INPP5A: variants seen among roughly 807,000 people sequenced by gnomAD.
INPP5A encodes 43 kDa inositol polyphosphate 5-phophatase.
Under a neutral mutation model 65.2 loss-of-function variants are expected in INPP5A, and 14 were observed. The ratio of observed to expected loss-of-function variants is 0.21; its 90% CI spans 0.14 to 0.34. The LOEUF (loss-of-function observed/expected upper bound fraction) is 0.34. Among genes scored for constraint, INPP5A ranks in the 10% least tolerant of loss-of-function variants. The pLI, the probability that INPP5A is intolerant of heterozygous loss-of-function variation, is 1.00. For missense variants in INPP5A, 431 were observed against 545.6 expected, an observed-to-expected ratio of 0.79 and a Z score of 2.09; for synonymous variants, 207 against 208.3, an observed-to-expected ratio of 0.99 and a Z score of 0.05.
intron 9 of INPP5A, among the ~76,000 whole-genome samples, chr10:132,734,093 G>C (rs1390289949): frequency 6.6e-6 from 1 of 152,218 alleles, no homozygotes; most frequent in South Asian, 2.1e-4. Flanking sequence ...ACCTCTGGTC[G>C]GGATTCAGGC....
intron 4 of INPP5A, among the ~76,000 whole-genome samples, chr10:132,673,109 T>C (rs1451651593): frequency 6.6e-6 from 1 of 152,246 alleles, no homozygotes; most frequent in Non-Finnish European, 1.5e-5. Flanking sequence ...TTCACCTTGA[T>C]AGACCAGATC....
intron 9 of INPP5A, among the ~76,000 whole-genome samples, chr10:132,749,190 G>A (rs942422608): frequency 1.3e-5 from 2 of 152,262 alleles, no homozygotes; most frequent in Admixed American, 1.3e-4. Flanking sequence ...CACCCTCTTT[G>A]CTGTTCTCAG....
chr10:132,768,588 CCT>C (rs753830742), intron 12 of INPP5A, among the ~76,000 whole-genome samples: 1 of 152,236 alleles, frequency 6.6e-6, no homozygotes, highest in Non-Finnish European at 1.5e-5. Flanking sequence ...CAGCTCTGCC[CCT>C]GTCAGGACAC....
At position 132,549,487 on chromosome 10, in the gene INPP5A, G is replaced by A. The variant is rs775706077; in HGVS notation, c.75+11316G>A. Among the ~76,000 whole-genome samples the A allele has an allele frequency of 2.6e-5, 4 of 152,240 alleles. No individual in the cohort carries two copies. Among genetic ancestry groups the A allele is most frequent in the East Asian group, 3.8e-4 (2 of 5,204 alleles). On this transcript the variant is annotated intron_variant, in intron 1 of 15. Coordinates refer to ENST00000368594, the MANE Select transcript of INPP5A (RefSeq NM_005539.5). This position sits in a 1 kb window ranked among gnomAD's most constrained non-coding sequence, Gnocchi z 4.9. ...TCCCCACAAGGATGGTTATCTTGCC[G>A]TGTTGGTAATGGCTTTGACAGCTGG...
intron 4 of INPP5A, among the ~76,000 whole-genome samples, chr10:132,655,949 G>C (rs955274592): frequency 6.6e-6 from 1 of 152,258 alleles, no homozygotes; most frequent in African/African-American, 2.4e-5. Context: ...CTTGTGGCTG[G>C]CTGGGCATGG....
At chr10:132,683,262 A>G (rs1407124710) in intron 4 of INPP5A, among the ~76,000 whole-genome samples, 1 of 145,918 alleles carries the variant, frequency 6.9e-6, no homozygotes, top group African/African-American at 2.6e-5. Flanking sequence ...TATTATATAC[A>G]TATGCACACA....
At chr10:132,593,730 G>T (rs989805588) in intron 1 of INPP5A, among the ~76,000 whole-genome samples, 16 of 145,670 alleles carry the variant, frequency 1.1e-4, no homozygotes, top group African/African-American at 3.7e-4. Flanking sequence ...TTCTTTATTT[G>T]TGATTTTCTA....
chr10:132,556,080 T>A (rs1278047427), intron 1 of INPP5A, among the ~76,000 whole-genome samples: 1 of 152,008 alleles, frequency 6.6e-6, no homozygotes, highest in African/African-American at 2.4e-5. Context: ...CAGGCATCTG[T>A]CCCAGCCTGT....
chr10:132,754,927 G>A (rs1846564835), intron 11 of INPP5A, among the ~76,000 whole-genome samples: 1 of 152,180 alleles, frequency 6.6e-6, no homozygotes, highest in Non-Finnish European at 1.5e-5. Context: ...GTATGCATGA[G>A]TGTGCGTGCA....
At chr10:132,596,057 C>T (rs2071682975) in intron 1 of INPP5A, among the ~76,000 whole-genome samples, 1 of 152,176 alleles carries the variant, frequency 6.6e-6, no homozygotes, top group Non-Finnish European at 1.5e-5. Flanking sequence ...GAAATTTGAG[C>T]ATTTCTTTAA....
rs970022805 is a variant in INPP5A at position 132,741,728 on chromosome 10, G to A, written c.733-7789G>A. Among the ~76,000 whole-genome samples the A allele has an allele frequency of 1.7e-5, 1 of 58,712 alleles. No individual in the cohort carries two copies. Among genetic ancestry groups the A allele is most frequent in the African/African-American group, 4.3e-5 (1 of 23,166 alleles). The allele number at this position is 58,712 out of a possible 152,430, so 38.5% of individuals were successfully genotyped here. ...GAGGTGGACGTCAGTATCTGTGTCC[G>A]CTTGCTTTACTCAATAGCCGACGTA... On this transcript the variant is annotated intron_variant, in intron 9 of 15. Transcript: ENST00000368594. The surrounding 1 kb of genome is among the most constrained non-coding windows in gnomAD (Gnocchi z 4.4).
intron 2 of INPP5A, among the ~76,000 whole-genome samples, chr10:132,611,321 A>G (rs1205259799): frequency 0.081 from 988 of 12,160 alleles, no homozygotes; most frequent in Middle Eastern, 0.12. Context: ...GTCAGAGGAG[A>G]ATGAGGGAGG....
Position 132,607,924 on chromosome 10 carries a change from C to G in INPP5A, c.85C>G (p.Leu29Val). The change falls in exon 2 of 16, where the codon CTG becomes GTG. Residue 29 changes from leucine (L) to valine (V), a missense_variant. Coordinates refer to ENST00000368594, the MANE Select transcript of INPP5A (RefSeq NM_005539.5). Reference protein sequence around the residue: ...VGSLFDDPENLQKNWLREFYQ... With the variant: ...VGSLFDDPENVQKNWLREFYQ... ...TCTTCTTAATTTACAGCCAGAAAAC[C>G]TGCAGAAGAACTGGCTTCGGGAATT... 1 of 1,610,834 alleles carries G rather than the reference C, an allele frequency of 6.2e-7. No individual in the cohort carries two copies. Among genetic ancestry groups the G allele is most frequent in the Non-Finnish European group, 8.5e-7 (1 of 1,179,966 alleles).
chr10:132,646,852 C>T (rs1046342882), intron 3 of INPP5A, among the ~76,000 whole-genome samples: 3 of 152,174 alleles, frequency 2.0e-5, no homozygotes, highest in Non-Finnish European at 4.4e-5. Context: ...TGTGGGTTGA[C>T]GCTGCTGCCA....
At chr10:132,572,376 A>G (rs945779140) in intron 1 of INPP5A, among the ~76,000 whole-genome samples, 2 of 152,086 alleles carry the variant, frequency 1.3e-5, no homozygotes, top group African/African-American at 4.8e-5. Context: ...TCTGTTTTGC[A>G]GGGAGGTGCC....
At chr10:132,730,095 C>T (rs1351850422) in intron 9 of INPP5A, among the ~76,000 whole-genome samples, 1 of 152,250 alleles carries the variant, frequency 6.6e-6, no homozygotes, top group African/African-American at 2.4e-5. Flanking sequence ...CATGGAGTTA[C>T]TTGAAATGCT....
At position 132,704,482 on chromosome 10, in the gene INPP5A, C is replaced by T. The variant is rs982840351; in HGVS notation, c.475-3831C>T. Among the ~76,000 whole-genome samples, 29 of 152,220 alleles carry T rather than the reference C, an allele frequency of 1.9e-4. No individual in the cohort carries two copies. The highest frequency in any genetic ancestry group is 3.8e-4 in the Non-Finnish European group (26 of 68,044). Reference sequence around the variant, plus strand: ...TGTGCCTGTGTGTTGGACGCCAGCCCGCGGCGGCTGCTGGTGCGCAGAGCC... The same window carrying T: ...TGTGCCTGTGTGTTGGACGCCAGCCTGCGGCGGCTGCTGGTGCGCAGAGCC... On this transcript the variant is annotated intron_variant, in intron 6 of 15. Coordinates refer to ENST00000368594, the MANE Select transcript of INPP5A (RefSeq NM_005539.5). The surrounding 1 kb of genome is among the most constrained non-coding windows in gnomAD (Gnocchi z 4.5).
At chr10:132,711,081 C>T (rs967488211) in intron 8 of INPP5A, among the ~76,000 whole-genome samples, 2 of 152,218 alleles carry the variant, frequency 1.3e-5, no homozygotes, top group African/African-American at 4.8e-5. Flanking sequence ...CACTTTCTCT[C>T]TGACTTTTTT....
At chr10:132,752,453 C>T (rs1590984618) in intron 11 of INPP5A, among the ~76,000 whole-genome samples, 3 of 22,162 alleles carry the variant, frequency 1.4e-4, no homozygotes, top group African/African-American at 2.0e-4. Flanking sequence ...GGGGCTGTGG[C>T]GTGGAGGGGG....
Sources: gnomAD v4.1 joint callset for allele counts (sites outside exome capture counted in the v4.1 genomes callset) on GRCh38, gnomAD v4.1.1 for gene constraint, Gnocchi (gnomAD v3.1) non-coding constraint, MANE v1.5 for transcripts, NCBI Gene and HGNC (gene_info 2026-07-23, HGNC 2026-07-21) for gene names.